RNF216: variants seen among roughly 807,000 people sequenced by gnomAD.
RNF216 encodes ring finger protein 216, also known as E3 ubiquitin-protein ligase RNF216.
A neutral mutation model predicts 110.8 loss-of-function variants in RNF216; 72 were observed. The observed-to-expected ratio is 0.65, with a 90% confidence interval of 0.54 to 0.79. The LOEUF (loss-of-function observed/expected upper bound fraction) is 0.79. Ranked by LOEUF, RNF216 falls within the 30% of genes least tolerant of loss-of-function variation. The pLI, the probability that RNF216 is intolerant of heterozygous loss-of-function variation, is 0.00. For synonymous variants in RNF216, 495 were observed against 407.5 expected, an observed-to-expected ratio of 1.21 and a Z score of -2.59; for missense variants, 1,342 against 1,141.2, an observed-to-expected ratio of 1.18 and a Z score of -2.54.
In RNF216 at chr7:5,713,766, A is replaced by C. The variant is rs544884031; in HGVS notation, c.1834-903T>G. On this transcript the variant is annotated intron_variant, in intron 11 of 16. Transcript: ENST00000389902. ...AATGGAAAAAGACGACATTTTAAAA[A>C]TAACTAGCTAAAATTTATGAGGCAT... Among the ~76,000 whole-genome samples the C allele has an allele frequency of 2.7e-4, 41 of 152,266 alleles. 1 individual carries two copies. Among genetic ancestry groups the C allele is most frequent in the Non-Finnish European group, 1.3e-4 (9 of 68,050 alleles).
At chr7:5,627,825 CT>C (rs1455213638) in intron 15 of RNF216, among the ~76,000 whole-genome samples, 1 of 152,042 alleles carries the variant, frequency 6.6e-6, no homozygotes, top group Non-Finnish European at 1.5e-5. Flanking sequence ...ACAAGAGAGG[CT>C]CTCTTTTGGG....
intron 13 of RNF216, among the ~76,000 whole-genome samples, chr7:5,673,477 T>C (rs1390720123): frequency 6.6e-6 from 1 of 152,184 alleles, no homozygotes; most frequent in Non-Finnish European, 1.5e-5. Flanking sequence ...TAGAAGCCAC[T>C]GCAGGTTCCA....
chr7:5,663,129 T>C lies in RNF216; in HGVS notation c.2062-10619A>G, dbSNP rs1584402922. On this transcript the variant is annotated intron_variant, in intron 13 of 16. Transcript: ENST00000389902. ...CTTGCTCACTGGGCTCCCACAGCAC[T>C]TAGCTTATGCGTTGTTACTGCACTT... Among the ~76,000 whole-genome samples the C allele has an allele frequency of 5.3e-5, 8 of 152,326 alleles. No individual in the cohort carries two copies. The South Asian group carries it at 1.5e-3, about 28-fold the overall frequency.
intron 2 of RNF216, among the ~76,000 whole-genome samples, chr7:5,753,810 C>A (rs1795458644): frequency 6.6e-6 from 1 of 152,100 alleles, no homozygotes; most frequent in African/African-American, 2.4e-5. Flanking sequence ...GCCAGACGAA[C>A]ACGGTGAAAC....
At chr7:5,650,192 GGAAGAA>G (rs1427822434) in intron 14 of RNF216, among the ~76,000 whole-genome samples, 12 of 152,146 alleles carry the variant, frequency 7.9e-5, no homozygotes, top group African/African-American at 2.9e-4. Context: ...CTATCACTAA[GGAAGAA>G]GCCCAACATT....
chr7:5,730,189 T>C (rs1794006796), intron 6 of RNF216, among the ~76,000 whole-genome samples: 1 of 152,246 alleles, frequency 6.6e-6, no homozygotes, highest in Admixed American at 6.5e-5. Flanking sequence ...GGAAGTGTAC[T>C]CATGTTTTTG....
Position 5,750,323 on chromosome 7 carries a change from C to T in RNF216, c.201+2523G>A, listed in dbSNP as rs566432212. On this transcript the variant is annotated intron_variant, in intron 3 of 16. Coordinates refer to ENST00000389902, the MANE Select transcript of RNF216 (RefSeq NM_207111.4). ...CCCTGGTTTGGTTTCCTAGCAGAGA[C>T]ATTTTTTAAAGACCAATTTGAGATT... 2.0e-5 allele frequency among the ~76,000 whole-genome samples: 3 copies of T among 152,254 alleles called. No individual in the cohort carries two copies. The South Asian group carries it at 6.2e-4, about 32-fold the overall frequency.
chr7:5,634,094 CAA>C (rs920376004), intron 15 of RNF216, among the ~76,000 whole-genome samples: 95 of 152,340 alleles, frequency 6.2e-4, no homozygotes, highest in African/African-American at 2.3e-3. Context: ...GCGCTTGGCA[CAA>C]AACTATTTTT....
intron 13 of RNF216, among the ~76,000 whole-genome samples, chr7:5,684,251 C>A (rs959708978): frequency 4.0e-5 from 6 of 151,874 alleles, no homozygotes; most frequent in Non-Finnish European, 8.8e-5. Context: ...TACAGGCACC[C>A]GCCACCACGC....
chr7:5,636,303 C>T (rs1787393118), intron 15 of RNF216, among the ~76,000 whole-genome samples: 1 of 152,174 alleles, frequency 6.6e-6, no homozygotes, highest in African/African-American at 2.4e-5. Flanking sequence ...TGGTTTTTTG[C>T]TTCCTAAAGA....
intron 2 of RNF216, among the ~76,000 whole-genome samples, chr7:5,754,256 A>G (rs1207764948): frequency 6.6e-6 from 1 of 151,724 alleles, no homozygotes; most frequent in Non-Finnish European, 1.5e-5. Context: ...CCTAGGCTCA[A>G]GCAATCCTCC....
intron 14 of RNF216, among the ~76,000 whole-genome samples, chr7:5,650,511 G>A (rs1432882199): frequency 1.3e-5 from 2 of 152,150 alleles, no homozygotes; most frequent in African/African-American, 4.8e-5. Context: ...TGAGGAGAGA[G>A]TATGTTTGCT....
intron 13 of RNF216, among the ~76,000 whole-genome samples, chr7:5,665,738 A>C (rs1290733561): frequency 6.6e-6 from 1 of 152,186 alleles, no homozygotes; most frequent in African/African-American, 2.4e-5. Flanking sequence ...CATAGTAACT[A>C]CAAACAAAAC....
chr7:5,700,790 C>T (rs1175671012), intron 13 of RNF216, among the ~76,000 whole-genome samples: 1 of 152,100 alleles, frequency 6.6e-6, no homozygotes, highest in African/African-American at 2.4e-5. Flanking sequence ...GGTGAGCAGC[C>T]CTGGCATCCA....
intron 1 of RNF216, among the ~76,000 whole-genome samples, chr7:5,778,179 T>C (rs907058747): frequency 1.3e-5 from 2 of 152,226 alleles, no homozygotes; most frequent in Non-Finnish European, 2.9e-5. Flanking sequence ...CTTGCTGACA[T>C]AGCGGGCCTT....
chr7:5,714,715 T>A (rs1792930678), intron 11 of RNF216, among the ~76,000 whole-genome samples: 1 of 152,168 alleles, frequency 6.6e-6, no homozygotes. Context: ...TTGTGTAAAG[T>A]AAGTTATGTT....
At chr7:5,674,420 G>C (rs1790133963) in intron 13 of RNF216, among the ~76,000 whole-genome samples, 1 of 151,506 alleles carries the variant, frequency 6.6e-6, no homozygotes, top group South Asian at 2.1e-4. Context: ...GCCTCCCAAA[G>C]TGCTAGGATT....
Position 5,741,805 on chromosome 7 carries a change from G to C in RNF216, c.212C>G (p.Pro71Arg). 1 of 1,593,320 alleles carries C rather than the reference G, an allele frequency of 6.3e-7. No homozygotes were observed. Among genetic ancestry groups the C allele is most frequent in the Non-Finnish European group, 8.5e-7 (1 of 1,173,264 alleles). ...GATGAGATTGGGTCGTGATCTCTGA[G>C]GTTTATTTGTCTAAGAAAAAATGAA... Reference protein sequence around the residue: ...DDVILTETNKPQRSRPNLIKP... With the variant: ...DDVILTETNKRQRSRPNLIKP... Residue 71 changes from proline to arginine, a missense_variant, in exon 4 of 17, where the codon CCT becomes CGT. Physicochemically the swap from Pro to Arg is moderately radical, Grantham distance 103 (BLOSUM62 -2). Coordinates refer to ENST00000389902, the MANE Select transcript of RNF216 (RefSeq NM_207111.4).
chr7:5,712,928 C>G (rs1792810743), intron 11 of RNF216, 65 bp from the exon 12 acceptor site: 2 of 1,453,822 alleles, frequency 1.4e-6, no homozygotes, highest in South Asian at 2.6e-5. Flanking sequence ...TAAAAAGCGT[C>G]AGTGGTTAAA....
Sources: gnomAD v4.1 joint callset for allele counts (sites outside exome capture counted in the v4.1 genomes callset) on GRCh38, gnomAD v4.1.1 for gene constraint, MANE v1.5 for transcripts, NCBI Gene and HGNC (gene_info 2026-07-23, HGNC 2026-07-21) for gene names.